EEA1: variants seen among roughly 807,000 people sequenced by gnomAD.
EEA1 encodes early endosome antigen 1, 162kD.
EEA1 carries 111 observed loss-of-function variants against 209.2 expected under a neutral mutation model. That is an observed-to-expected ratio of 0.53 (90% confidence interval 0.45 to 0.62). The LOEUF (loss-of-function observed/expected upper bound fraction) is 0.62. EEA1 is among the 20% of genes least tolerant of loss of function. EEA1 has a pLI of 0.00. For synonymous variants in EEA1, 536 were observed against 540.6 expected (o/e 0.99, Z 0.12); for missense variants, 1,343 against 1,530.8 (o/e 0.88, Z 2.05).
chr12:92,928,961 T>G, intron 1 of EEA1, 82 bp downstream of exon 1: 5 of 1,443,710 alleles, frequency 3.5e-6, no homozygotes, highest in East Asian at 3.0e-5. Flanking sequence ...GAGCCCGCGC[T>G]GAGGAGGGGC....
intron 21 of EEA1, among the ~76,000 whole-genome samples, chr12:92,794,452 T>G (rs1201533899): frequency 6.6e-6 from 1 of 152,126 alleles, no homozygotes; most frequent in Non-Finnish European, 1.5e-5. Context: ...GCAGCACTAT[T>G]CACAATAGCA....
intron 9 of EEA1, among the ~76,000 whole-genome samples, chr12:92,845,285 G>A (rs1877343920): frequency 6.6e-6 from 1 of 152,104 alleles, no homozygotes; most frequent in Non-Finnish European, 1.5e-5. Context: ...GGAGTGAGGA[G>A]AGTGAATTCT....
chr12:92,806,977 G>A lies in EEA1; in HGVS notation c.2339+2040C>T, dbSNP rs182594790. On this transcript the variant is annotated intron_variant, in intron 18 of 28. Transcript: ENST00000322349. ...TTTTGAGACGGAGTCTCGCTCTGTC[G>A]CCCAGGTTGGAGTGCAGTGGCACTG... Among the ~76,000 whole-genome samples, 39 of 149,874 alleles carry A rather than the reference G, an allele frequency of 2.6e-4. 1 individual carries two copies. The highest frequency in any genetic ancestry group is 2.2e-3 in the Admixed American group (33 of 15,082).
Position 92,799,137 on chromosome 12 carries a change from G to A in EEA1, c.2773-51C>T, listed in dbSNP as rs376455926. 12 of 1,427,712 alleles carry A rather than the reference G, an allele frequency of 8.4e-6. No individual in the cohort carries two copies. In the Admixed American group the frequency reaches 1.4e-4, roughly 17 times the overall value. 88.4% of individuals were successfully genotyped at this position (1,427,712 alleles called of 1,614,324 possible). Reference sequence around the variant, plus strand: ...GCCTTCATTTGTTCATTCAAAAGACGATGTACTGAGTAACTAGAAAAAAAA... The same window carrying A: ...GCCTTCATTTGTTCATTCAAAAGACAATGTACTGAGTAACTAGAAAAAAAA... On this transcript the variant is annotated intron_variant, in intron 20 of 28. Transcript: ENST00000322349.
Position 92,921,759 on chromosome 12 carries a change from GAA to G in EEA1, c.24+7282_24+7283del, listed in dbSNP as rs751838383. On this transcript the variant is annotated intron_variant, in intron 1 of 28. Coordinates refer to ENST00000322349, the MANE Select transcript of EEA1 (RefSeq NM_003566.4). ...AAACTTAAAGTATAATAAAAAAAAA[GAA>G]AAAAAAAAAAAAAAAAGAATCGCTT... is the stretch of plus-strand genomic sequence containing the variant. 8.6e-3 allele frequency among the ~76,000 whole-genome samples: 658 copies of G among 76,700 alleles called. 7 individuals are homozygous for G. The highest frequency in any genetic ancestry group is 0.031 in the African/African-American group (593 of 19,140). 50.3% of individuals were successfully genotyped at this position (76,700 alleles called of 152,430 possible).
chr12:92,893,071 C>T (rs948909919), intron 1 of EEA1, among the ~76,000 whole-genome samples: 1 of 152,232 alleles, frequency 6.6e-6, no homozygotes, highest in African/African-American at 2.4e-5. Context: ...CTTGATATGA[C>T]ACCATCAGAG....
In EEA1 at chr12:92,776,101, A is replaced by G. The variant is rs757033784; in HGVS notation, c.4146T>C (p.Cys1382=). 6.2e-7 allele frequency: 1 copy of G among 1,610,730 alleles called. No individual in the cohort carries two copies. Among genetic ancestry groups the G allele is most frequent in the South Asian group, 1.1e-5 (1 of 90,730 alleles). Residue 1382 remains cysteine (C), a synonymous_variant, in exon 29 of 29, where the codon TGT becomes TGC. Transcript: ENST00000322349. ...HHCRQCGNIF[C]AECSAKNALT... is the part of the protein sequence containing the mutation. ...AGGCATTTTTGGCTGAACATTCAGC[A>G]CAGAAGATATTTCCACACTGTCGGC... is the stretch of plus-strand genomic sequence containing the variant.
Position 92,812,966 on chromosome 12 carries a change from A to T in EEA1, c.2043+14T>A, listed in dbSNP as rs765971315. 6.5e-7 allele frequency: 1 copy of T among 1,537,564 alleles called. No homozygotes were observed. Among genetic ancestry groups the T allele is most frequent in the East Asian group, 2.3e-5 (1 of 43,532 alleles). On this transcript the variant is annotated intron_variant, in intron 16 of 28. Coordinates refer to ENST00000322349, the MANE Select transcript of EEA1 (RefSeq NM_003566.4). ...GCACTAGGTGATAGTATGAAATTGC[A>T]TCTGTTTCCCTACCTGCTGTTTATC... is the stretch of plus-strand genomic sequence containing the variant.
chr12:92,923,305 G>A (rs1273333900), intron 1 of EEA1, among the ~76,000 whole-genome samples: 3 of 152,032 alleles, frequency 2.0e-5, no homozygotes, highest in Non-Finnish European at 4.4e-5. Flanking sequence ...CCGAGATTGC[G>A]CCACTGCACT....
intron 13 of EEA1, among the ~76,000 whole-genome samples, chr12:92,819,990 T>G (rs190948968): frequency 1.3e-5 from 2 of 152,302 alleles, no homozygotes; most frequent in Admixed American, 1.3e-4. Flanking sequence ...ATTTCAGCCT[T>G]TCCCAATATT....
intron 3 of EEA1, among the ~76,000 whole-genome samples, chr12:92,862,217 G>A (rs1157174077): frequency 3.6e-5 from 2 of 55,548 alleles, no homozygotes; most frequent in African/African-American, 1.7e-4. Flanking sequence ...AATAAAAACG[G>A]AAACGCATGC....
chr12:92,863,252 A>G (rs1221619244), intron 3 of EEA1, among the ~76,000 whole-genome samples: 1 of 152,202 alleles, frequency 6.6e-6, no homozygotes, highest in African/African-American at 2.4e-5. Flanking sequence ...ACTAAAAGAC[A>G]AAGTTTATCT....
At chr12:92,898,586 C>T (rs1035356436) in intron 1 of EEA1, among the ~76,000 whole-genome samples, 1 of 151,716 alleles carries the variant, frequency 6.6e-6, no homozygotes, top group Non-Finnish European at 1.5e-5. Flanking sequence ...ATTGCTTGGA[C>T]CTGGGAGACA....
At chr12:92,864,605 ATCT>A (rs1878291070) in intron 3 of EEA1, among the ~76,000 whole-genome samples, 1 of 152,202 alleles carries the variant, frequency 6.6e-6, no homozygotes, top group Admixed American at 6.5e-5. Flanking sequence ...ATATAATTTA[ATCT>A]TCTTTTGCTA....
Position 92,819,443 on chromosome 12 carries a change from T to C in EEA1, c.1593A>G (p.Leu531=), listed in dbSNP as rs750374847. The C allele has an allele frequency of 5.1e-5, 82 of 1,612,168 alleles. No individual in the cohort carries two copies. The highest frequency in any genetic ancestry group is 6.7e-5 in the Non-Finnish European group (79 of 1,179,258). ...KDQKIQNLEA[L]LQKSKENISL... ...AAATATTTTCTTTACTCTTCTGTAA[T>C]AAAGCTTCAAGGTTCTGGATCTTTT... The change falls in exon 14 of 29, where the codon TTA becomes TTG. Residue 531 remains leucine, a synonymous_variant. Coordinates refer to ENST00000322349, the MANE Select transcript of EEA1 (RefSeq NM_003566.4).
intron 18 of EEA1, among the ~76,000 whole-genome samples, chr12:92,808,650 G>C (rs1323847473): frequency 6.6e-6 from 1 of 151,948 alleles, no homozygotes; most frequent in Non-Finnish European, 1.5e-5. Context: ...ATAGCTAGAA[G>C]GCTAACTACT....
chr12:92,813,697 A>G (rs1565818992), intron 15 of EEA1, among the ~76,000 whole-genome samples: 1 of 152,220 alleles, frequency 6.6e-6, no homozygotes, highest in Non-Finnish European at 1.5e-5. Context: ...GAATACCTTT[A>G]GTACAACTCA....
At position 92,890,384 on chromosome 12, in the gene EEA1, T is replaced by C. The variant is rs147112285; in HGVS notation, c.117+1245A>G. ...GTAATAAAGTAAGAGGAAACAGGTA[T>C]GGTATAGGTATGATAAAATAAGAAC... On this transcript the variant is annotated intron_variant, in intron 2 of 28. Transcript: ENST00000322349. Among the ~76,000 whole-genome samples the C allele has an allele frequency of 3.2e-4, 48 of 152,234 alleles. No individual in the cohort carries two copies. The East Asian group carries it at 8.9e-3, about 28-fold the overall frequency.
chr12:92,857,474 G>A lies in EEA1; in HGVS notation c.257C>T (p.Thr86Ile). The A allele has an allele frequency of 6.3e-7, 1 of 1,577,696 alleles. No homozygotes were observed. Among genetic ancestry groups the A allele is most frequent in the African/African-American group, 1.4e-5 (1 of 73,444 alleles). ...GTCTTGGACCTCTTGTCTGAGCAGT[G>A]TTACATCATCTCTAAATAAAAATGG... Reference protein sequence around the residue: ...SNLALKRDDVTLLRQEVQDLQ... With the variant: ...SNLALKRDDVILLRQEVQDLQ... The change falls in exon 4 of 29, where the codon ACA (threonine) becomes ATA (isoleucine). Residue 86 changes from threonine (T) to isoleucine (I), a missense_variant. By Grantham distance (89) the Thr-to-Ile change is moderately conservative. Transcript: ENST00000322349.
Sources: gnomAD v4.1 joint callset for allele counts (sites outside exome capture counted in the v4.1 genomes callset) on GRCh38, gnomAD v4.1.1 for gene constraint, MANE v1.5 for transcripts, NCBI Gene and HGNC (gene_info 2026-07-23, HGNC 2026-07-21) for gene names.